The following GALNT13 variants were observed in gnomAD, a reference collection of about 807,000 sequenced individuals.
The protein encoded by GALNT13 is UDP-GalNAc:polypeptide N-acetylgalactosaminyltransferase 13.
GALNT13 carries 28 observed loss-of-function variants against 64.2 expected under a neutral mutation model. The ratio of observed to expected loss-of-function variants is 0.44; its 90% CI spans 0.32 to 0.60. GALNT13 has a LOEUF of 0.60. Ranked by LOEUF, GALNT13 falls within the 20% of genes least tolerant of loss-of-function variation. GALNT13 has a pLI of 0.05. For missense variants in GALNT13, 577 were observed against 669.8 expected (o/e 0.86, Z 1.53); for synonymous variants, 214 against 224.6 (o/e 0.95, Z 0.42).
At chr2:154,449,418 T>C (rs1183848682) in intron 12 of GALNT13, among the ~76,000 whole-genome samples, 2 of 103,350 alleles carry the variant, frequency 1.9e-5, no homozygotes, top group Non-Finnish European at 3.8e-5. Flanking sequence ...CAATGTAGTA[T>C]CATGAGCCAA....
chr2:153,927,495 A>G (rs1294337444), intron 2 of GALNT13, among the ~76,000 whole-genome samples: 1 of 151,952 alleles, frequency 6.6e-6, no homozygotes, highest in African/African-American at 2.4e-5. Context: ...TGTGTTTTCT[A>G]TTAATGGATT....
At chr2:153,957,691 C>A (rs1692662252) in intron 3 of GALNT13, among the ~76,000 whole-genome samples, 1 of 152,198 alleles carries the variant, frequency 6.6e-6, no homozygotes, top group Non-Finnish European at 1.5e-5. Flanking sequence ...AACATTTTCT[C>A]ATGATAGATA....
chr2:153,732,978 G>A, the GALNT13 span, among the ~76,000 whole-genome samples: 1 of 152,002 alleles, frequency 6.6e-6, no homozygotes, highest in African/African-American at 2.4e-5. Context: ...AGGTAGTTGT[G>A]TTTCTTTTGA....
chr2:154,422,607 G>A (rs1574277870), intron 11 of GALNT13, among the ~76,000 whole-genome samples: 1 of 152,086 alleles, frequency 6.6e-6, no homozygotes, highest in South Asian at 2.1e-4. Context: ...TCTCTAAAAA[G>A]GTTTGGAATA....
chr2:154,063,620 T>A (rs72868487), intron 3 of GALNT13, among the ~76,000 whole-genome samples: 28,749 of 152,102 alleles, frequency 0.19, 3,403 homozygotes, highest in Non-Finnish European at 0.26. Flanking sequence ...GCCCCATCAT[T>A]ATTATCCAAC....
At chr2:154,252,216 T>C (rs1166387515) in intron 7 of GALNT13, among the ~76,000 whole-genome samples, 5 of 151,656 alleles carry the variant, frequency 3.3e-5, no homozygotes, top group African/African-American at 9.7e-5. Flanking sequence ...AAGAAAAAAA[T>C]AGAAGGAATG....
chr2:153,866,366 G>A, the GALNT13 span, among the ~76,000 whole-genome samples: 4 of 152,154 alleles, frequency 2.6e-5, no homozygotes, highest in East Asian at 1.9e-4. Context: ...TTTACTGTAC[G>A]AAAGGCACTG....
chr2:153,830,980 A>G, the GALNT13 span, among the ~76,000 whole-genome samples: 1 of 152,214 alleles, frequency 6.6e-6, no homozygotes, highest in South Asian at 2.1e-4. Flanking sequence ...TTGAAGTGTT[A>G]TACATAAGAA....
intron 3 of GALNT13, among the ~76,000 whole-genome samples, chr2:154,046,801 A>G (rs1408658003): frequency 6.6e-6 from 1 of 152,168 alleles, no homozygotes; most frequent in Non-Finnish European, 1.5e-5. Context: ...CTGAGGATAC[A>G]GGAAGAAGGT....
chr2:154,073,268 A>G (rs1700829648), intron 3 of GALNT13, among the ~76,000 whole-genome samples: 1 of 152,018 alleles, frequency 6.6e-6, no homozygotes, highest in Non-Finnish European at 1.5e-5. Context: ...TTTTCGTAGA[A>G]CATCATTTTT....
intron 2 of GALNT13, among the ~76,000 whole-genome samples, chr2:153,924,345 A>T (rs867067632): frequency 2.1e-4 from 32 of 152,048 alleles, no homozygotes; most frequent in African/African-American, 7.0e-4. Flanking sequence ...TTTGCTGAGG[A>T]TAGTGGCTTC....
intron 4 of GALNT13, among the ~76,000 whole-genome samples, chr2:154,205,646 G>C (rs1457538723): frequency 6.6e-6 from 1 of 152,158 alleles, no homozygotes; most frequent in Non-Finnish European, 1.5e-5. Context: ...CACAATCATG[G>C]AGGAAGGCAA....
At chr2:153,530,109 T>C in the GALNT13 span, among the ~76,000 whole-genome samples, 2 of 152,088 alleles carry the variant, frequency 1.3e-5, no homozygotes, top group Non-Finnish European at 2.9e-5. Context: ...GAAATTAAGT[T>C]ATCCATGTTT....
chr2:153,082,626 C>T, the GALNT13 span, among the ~76,000 whole-genome samples: 639 of 33,496 alleles, frequency 0.019, 11 homozygotes, highest in African/African-American at 0.024. Flanking sequence ...TATACACACA[C>T]ACACACACAC....
chr2:153,515,314 A>G, the GALNT13 span, among the ~76,000 whole-genome samples: 1 of 152,294 alleles, frequency 6.6e-6, no homozygotes, highest in South Asian at 2.1e-4. Flanking sequence ...CTGCTCCTGC[A>G]GCAAATAGTC....
At chr2:153,863,747 C>T in the GALNT13 span, among the ~76,000 whole-genome samples, 10 of 151,956 alleles carry the variant, frequency 6.6e-5, no homozygotes, top group Non-Finnish European at 1.0e-4. Context: ...ATATATTTAA[C>T]GAAATAATAA....
the GALNT13 span, among the ~76,000 whole-genome samples, chr2:153,298,086 C>T: frequency 8.5e-5 from 13 of 152,264 alleles, no homozygotes; most frequent in East Asian, 1.4e-3. Flanking sequence ...ATTAAAGGTG[C>T]GCCTTCTTTC....
chr2:153,525,181 C>T, the GALNT13 span, among the ~76,000 whole-genome samples: 2 of 152,170 alleles, frequency 1.3e-5, no homozygotes, highest in Non-Finnish European at 2.9e-5. Context: ...CGAGAAGAAA[C>T]CAGTTCTAAC....
the GALNT13 span, among the ~76,000 whole-genome samples, chr2:153,495,335 C>A: frequency 7.7e-5 from 11 of 143,604 alleles, no homozygotes; most frequent in Non-Finnish European, 1.5e-4. Context: ...ACAACAACAA[C>A]AAAAACAACA....
Sources: allele counts gnomAD v4.1 joint callset (sites outside exome capture counted in the v4.1 genomes callset), GRCh38; gene constraint gnomAD v4.1.1; transcripts MANE v1.5; gene names NCBI Gene and HGNC (gene_info 2026-07-23, HGNC 2026-07-21).